The following SHISA9 variants were observed in gnomAD, a reference collection of about 807,000 sequenced individuals.
SHISA9 encodes protein shisa-9.
In SHISA9, 13 loss-of-function variants were observed where a neutral mutation model predicts 38.0. That is an observed-to-expected ratio of 0.34 (90% CI 0.22 to 0.54). The LOEUF is 0.54. Ranked by LOEUF, SHISA9 falls within the 20% of genes least tolerant of loss-of-function variation. The probability of loss-of-function intolerance (pLI) is 0.91; values close to 1 mark genes in which losing one functional copy is unlikely to be tolerated. For missense variants in SHISA9, 538 were observed against 575.8 expected (o/e 0.93, Z 0.67); for synonymous variants, 275 against 242.0 (o/e 1.14, Z -1.27).
chr16:12,913,255 A>G (rs8060353), intron 1 of SHISA9, among the ~76,000 whole-genome samples: 9,371 of 152,124 alleles, frequency 0.062, 979 homozygotes, highest in African/African-American at 0.21. Context: ...GGAGTGCAGC[A>G]GTGTGATCTC....
chr16:12,916,390 G>A (rs1442323149), intron 1 of SHISA9, among the ~76,000 whole-genome samples: 1 of 152,180 alleles, frequency 6.6e-6, no homozygotes, highest in Non-Finnish European at 1.5e-5. Context: ...TCTATGGAGT[G>A]CAGACACATT....
the SHISA9 span, among the ~76,000 whole-genome samples, chr16:13,537,938 A>T: frequency 6.6e-6 from 1 of 152,232 alleles, no homozygotes; most frequent in Non-Finnish European, 1.5e-5. Flanking sequence ...ACAGAGGAGA[A>T]AAATGGTGTT....
the SHISA9 span, among the ~76,000 whole-genome samples, chr16:13,369,560 C>A: frequency 6.6e-6 from 1 of 151,438 alleles, no homozygotes; most frequent in Non-Finnish European, 1.5e-5. Context: ...GCTGTAAACA[C>A]CTTGTTCAAG....
At chr16:12,998,798 T>A (rs576786273) in intron 2 of SHISA9, among the ~76,000 whole-genome samples, 2 of 152,362 alleles carry the variant, frequency 1.3e-5, no homozygotes, top group South Asian at 4.1e-4. Context: ...AAGAACTTAA[T>A]GAGTATTTAT....
At chr16:13,355,768 A>G in the SHISA9 span, among the ~76,000 whole-genome samples, 1 of 152,120 alleles carries the variant, frequency 6.6e-6, no homozygotes, top group Non-Finnish European at 1.5e-5. Flanking sequence ...TGTGAGAGTT[A>G]CCTGAAGCTC....
At chr16:13,080,884 T>G (rs2073640825) in intron 2 of SHISA9, among the ~76,000 whole-genome samples, 1 of 152,176 alleles carries the variant, frequency 6.6e-6, no homozygotes, top group South Asian at 2.1e-4. Flanking sequence ...GCAGATATGG[T>G]ATCTGGTGGG....
chr16:13,551,675 CACAA>C, the SHISA9 span, among the ~76,000 whole-genome samples: 3 of 152,182 alleles, frequency 2.0e-5, no homozygotes, highest in African/African-American at 7.2e-5. Flanking sequence ...AATTGCTGTG[CACAA>C]ACATAGACAC....
At chr16:13,019,806 TTC>T (rs2072806133) in intron 2 of SHISA9, among the ~76,000 whole-genome samples, 4 of 142,342 alleles carry the variant, frequency 2.8e-5, no homozygotes, top group African/African-American at 1.1e-4. Flanking sequence ...CTTTCTTTCT[TTC>T]TTTCTTTCTT....
chr16:13,181,575 A>G (rs530134177), intron 2 of SHISA9, among the ~76,000 whole-genome samples: 1 of 151,890 alleles, frequency 6.6e-6, no homozygotes, highest in Non-Finnish European at 1.5e-5. Context: ...TTTTGATTTT[A>G]TTCTAAAGTG....
chr16:13,147,952 G>T (rs908457725), intron 2 of SHISA9, among the ~76,000 whole-genome samples: 1 of 152,212 alleles, frequency 6.6e-6, no homozygotes, highest in African/African-American at 2.4e-5. Context: ...AAAAGGGATA[G>T]TTAGGGACTG....
chr16:13,477,551 C>G, the SHISA9 span, among the ~76,000 whole-genome samples: 1 of 152,098 alleles, frequency 6.6e-6, no homozygotes, highest in Non-Finnish European at 1.5e-5. Context: ...CCAACCTGGC[C>G]CCAAAGGCAA....
chr16:13,339,093 C>G, the SHISA9 span, among the ~76,000 whole-genome samples: 1 of 151,168 alleles, frequency 6.6e-6, no homozygotes, highest in Admixed American at 6.6e-5. Flanking sequence ...TACTAACCAT[C>G]TAAATAACTC....
chr16:13,381,081 T>C, the SHISA9 span, among the ~76,000 whole-genome samples: 6 of 152,090 alleles, frequency 3.9e-5, no homozygotes, highest in Non-Finnish European at 8.8e-5. Context: ...GATGGACATT[T>C]GGGTTGGTTC....
At chr16:13,477,235 T>A in the SHISA9 span, among the ~76,000 whole-genome samples, 1 of 152,206 alleles carries the variant, frequency 6.6e-6, no homozygotes, top group Non-Finnish European at 1.5e-5. Context: ...TAAACAATTA[T>A]TTCAATGCAG....
chr16:13,424,791 G>A, the SHISA9 span, among the ~76,000 whole-genome samples: 14 of 152,292 alleles, frequency 9.2e-5, no homozygotes, highest in African/African-American at 1.7e-4. Context: ...AAAATAAAGC[G>A]TAGACCAGAA....
intron 2 of SHISA9, among the ~76,000 whole-genome samples, chr16:13,195,088 T>C (rs1219218421): frequency 6.6e-6 from 1 of 152,200 alleles, no homozygotes; most frequent in Non-Finnish European, 1.5e-5. Flanking sequence ...TAAATTCCCT[T>C]ACCTTGTCAG....
chr16:13,191,890 A>G (rs970752269), intron 2 of SHISA9, among the ~76,000 whole-genome samples: 2 of 152,220 alleles, frequency 1.3e-5, no homozygotes, highest in South Asian at 2.1e-4. Context: ...AGACACCAGT[A>G]CTTGTATGTT....
intron 4 of SHISA9, among the ~76,000 whole-genome samples, chr16:13,216,364 T>C (rs951661443): frequency 6.6e-6 from 1 of 152,124 alleles, no homozygotes; most frequent in East Asian, 1.9e-4. Flanking sequence ...TCCTAGGTCG[T>C]TGTGAGATAA....
the SHISA9 span, among the ~76,000 whole-genome samples, chr16:13,301,374 G>A: frequency 6.6e-6 from 1 of 152,176 alleles, no homozygotes; most frequent in African/African-American, 2.4e-5. Flanking sequence ...AATGAGGCAC[G>A]AGATTCTGCA....
Sources: gnomAD v4.1 joint callset for allele counts (sites outside exome capture counted in the v4.1 genomes callset) on GRCh38, gnomAD v4.1.1 for gene constraint, MANE v1.5 for transcripts, NCBI Gene and HGNC (gene_info 2026-07-23, HGNC 2026-07-21) for gene names.